Variants in SCN9A observed in about 807,000 individuals in gnomAD.
SCN9A encodes the protein sodium voltage-gated channel alpha subunit 9.
In SCN9A, 131 loss-of-function variants were observed where a neutral mutation model predicts 187.0. The ratio of observed to expected loss-of-function variants is 0.70; its 90% CI spans 0.61 to 0.81. SCN9A has a LOEUF of 0.81. SCN9A is among the 30% of genes least tolerant of loss of function. The pLI, the probability that SCN9A is intolerant of heterozygous loss-of-function variation, is 0.00. For missense variants in SCN9A, 2,252 were observed against 2,396.6 expected (o/e 0.94, Z 1.26); for synonymous variants, 809 against 808.6 (o/e 1.00, Z -0.01).
chr2:166,230,842 GATGGAATC>G (rs1455251579), intron 21 of SCN9A, among the ~76,000 whole-genome samples: 1 of 152,116 alleles, frequency 6.6e-6, no homozygotes, highest in Non-Finnish European at 1.5e-5. Context: ...TGTGAGTAAT[GATGGAATC>G]ATGGGTCTCT....
At chr2:166,358,864 A>G (rs541577543) in intron 1 of SCN9A, among the ~76,000 whole-genome samples, 32 of 152,302 alleles carry the variant, frequency 2.1e-4, no homozygotes, top group Admixed American at 9.2e-4. Context: ...AAACCTTCAC[A>G]TGTTTTCTTC....
chr2:166,224,752 A>C (rs1456195844), intron 24 of SCN9A, among the ~76,000 whole-genome samples: 1 of 152,106 alleles, frequency 6.6e-6, no homozygotes, highest in African/African-American at 2.4e-5. Context: ...GTCCTTCCCT[A>C]GTCATTTTGT....
At position 166,242,436 on chromosome 2, in the gene SCN9A, T is replaced by C. The variant is rs568158046; in HGVS notation, c.3627+66A>G. ...AAAACAACTTGCCATGATATTTTTA[T>C]CTTTTAGCTCATTTTAAAGAATATT... On this transcript the variant is annotated intron_variant, in intron 19 of 26. Transcript: ENST00000642356. 4 of 1,313,086 alleles carry C rather than the reference T, an allele frequency of 3.0e-6. No individual in the cohort carries two copies. In the East Asian group the frequency reaches 1.0e-4, roughly 34 times the overall value. 81.3% of individuals were successfully genotyped at this position (1,313,086 alleles called of 1,614,324 possible).
chr2:166,290,273 T>G (rs1289802802), intron 9 of SCN9A, among the ~76,000 whole-genome samples: 1 of 152,216 alleles, frequency 6.6e-6, no homozygotes, highest in African/African-American at 2.4e-5. Context: ...CTGCATAGTA[T>G]TCCATGGTGT....
At chr2:166,295,456 C>A (rs1283197838) in intron 7 of SCN9A, among the ~76,000 whole-genome samples, 1 of 152,094 alleles carries the variant, frequency 6.6e-6, no homozygotes, top group Admixed American at 6.6e-5. Context: ...TACACCTAGG[C>A]TATGTGGTAT....
intron 1 of SCN9A, among the ~76,000 whole-genome samples, chr2:166,351,767 G>T (rs923020806): frequency 6.6e-6 from 1 of 152,218 alleles, no homozygotes; most frequent in African/African-American, 2.4e-5. Context: ...CTATAGAACA[G>T]ATTTTTTTTC....
At chr2:166,318,106 T>A (rs1333615800) in intron 1 of SCN9A, among the ~76,000 whole-genome samples, 1 of 152,162 alleles carries the variant, frequency 6.6e-6, no homozygotes, top group Non-Finnish European at 1.5e-5. Context: ...GAGTGGTTTA[T>A]CTCCAAGCTA....
At chr2:166,290,003 C>A (rs984132012) in intron 9 of SCN9A, among the ~76,000 whole-genome samples, 2 of 152,104 alleles carry the variant, frequency 1.3e-5, no homozygotes, top group African/African-American at 4.8e-5. Flanking sequence ...CACCTATCAA[C>A]CCATTATCTA....
intron 8 of SCN9A, 23 bp downstream of exon 8, chr2:166,294,576 A>C (rs1321696112): frequency 3.2e-6 from 5 of 1,586,416 alleles, no homozygotes; most frequent in Non-Finnish European, 4.3e-6. Flanking sequence ...CTTTAGACTA[A>C]AAAGAAAACA....
At chr2:166,202,890 A>G (rs568095731) in intron 26 of SCN9A, among the ~76,000 whole-genome samples, 74 of 151,918 alleles carry the variant, frequency 4.9e-4, no homozygotes, top group African/African-American at 1.5e-3. Flanking sequence ...CATTATATGA[A>G]GAAGGTCATT....
chr2:166,324,425 C>T (rs915034530), intron 1 of SCN9A, among the ~76,000 whole-genome samples: 1 of 151,990 alleles, frequency 6.6e-6, no homozygotes, highest in African/African-American at 2.4e-5. Context: ...ATAAAAAATA[C>T]ATTTTTATTG....
chr2:166,219,714 C>T (rs1274401872), intron 24 of SCN9A, among the ~76,000 whole-genome samples: 1 of 151,960 alleles, frequency 6.6e-6, no homozygotes, highest in Non-Finnish European at 1.5e-5. Flanking sequence ...TGTACATGTA[C>T]CCCTGAACTT....
intron 1 of SCN9A, among the ~76,000 whole-genome samples, chr2:166,355,081 G>A (rs933921875): frequency 1.1e-4 from 16 of 150,938 alleles, no homozygotes. Context: ...AGGACTACAG[G>A]TGTGCACCAC....
At chr2:166,298,662 A>C (rs1337072760) in intron 7 of SCN9A, 3 of 152,196 alleles carry the variant, frequency 2.0e-5, no homozygotes, top group Non-Finnish European at 4.4e-5. Flanking sequence ...ATGATCTATC[A>C]ACCAAGTTCT....
At chr2:166,307,714 A>G (rs893412056) in intron 2 of SCN9A, among the ~76,000 whole-genome samples, 14 of 152,192 alleles carry the variant, frequency 9.2e-5, no homozygotes, top group Admixed American at 4.6e-4. Context: ...AACGATATGA[A>G]TAGAAGCAAA....
In SCN9A at chr2:166,303,409, T is replaced by C. The variant is rs889726548; in HGVS notation, c.689-107A>G. Reference sequence around the variant, plus strand: ...ATGCATTATATCAAATCAATGACCTTAAGTAACCTAATTCAAAAAAAGCCT... The same window carrying C: ...ATGCATTATATCAAATCAATGACCTCAAGTAACCTAATTCAAAAAAAGCCT... On this transcript the variant is annotated intron_variant, in intron 6 of 26. Coordinates refer to ENST00000642356, the MANE Select transcript of SCN9A (RefSeq NM_001365536.1). 1.3e-5 allele frequency: 11 copies of C among 837,308 alleles called. No individual in the cohort carries two copies. In the African/African-American group the frequency reaches 1.9e-4, roughly 15 times the overall value. The allele number at this position is 837,308 out of a possible 1,614,324, so 51.9% of individuals were successfully genotyped here. A position where few individuals can be genotyped will look rare whatever the true frequency, so the allele number is the denominator to read the frequency against.
At chr2:166,332,482 T>C (rs1291296812) in intron 1 of SCN9A, among the ~76,000 whole-genome samples, 2 of 152,198 alleles carry the variant, frequency 1.3e-5, no homozygotes, top group African/African-American at 4.8e-5. Context: ...TCCTTTTGGC[T>C]ATGACAGTTT....
At chr2:166,243,099 T>C (rs1695638002) in intron 18 of SCN9A, among the ~76,000 whole-genome samples, 1 of 152,208 alleles carries the variant, frequency 6.6e-6, no homozygotes, top group African/African-American at 2.4e-5. Flanking sequence ...CTAAACAATA[T>C]TGAGAAAATT....
At chr2:166,261,057 A>G (rs1181436738) in intron 17 of SCN9A, among the ~76,000 whole-genome samples, 3 of 151,930 alleles carry the variant, frequency 2.0e-5, no homozygotes, top group African/African-American at 7.2e-5. Context: ...GTTTCAAAGT[A>G]TAACATTACA....
Sources: gnomAD v4.1 joint callset for allele counts (sites outside exome capture counted in the v4.1 genomes callset) on GRCh38, gnomAD v4.1.1 for gene constraint, MANE v1.5 for transcripts, NCBI Gene and HGNC (gene_info 2026-07-23, HGNC 2026-07-21) for gene names.